TBCD: variants seen among roughly 807,000 people sequenced by gnomAD.
The protein encoded by TBCD is tubulin-specific chaperone D.
A neutral mutation model predicts 169.3 loss-of-function variants in TBCD; 105 were observed. The ratio of observed to expected loss-of-function variants is 0.62; its 90% CI spans 0.53 to 0.73. The LOEUF is 0.73. Among genes scored for constraint, TBCD ranks in the 30% least tolerant of loss-of-function variants. The pLI is 0.00. For synonymous variants in TBCD, 700 were observed against 643.9 expected, an observed-to-expected ratio of 1.09 and a Z score of -1.32; for missense variants, 1,444 against 1,600.1, an observed-to-expected ratio of 0.90 and a Z score of 1.66.
intron 7 of TBCD, among the ~76,000 whole-genome samples, chr17:82,794,669 C>T (rs1161754871): frequency 6.6e-6 from 1 of 152,226 alleles, no homozygotes; most frequent in African/African-American, 2.4e-5. Flanking sequence ...GCACACTGCA[C>T]ACTTTCTCTG....
chr17:82,792,814 C>T (rs11650019), intron 7 of TBCD, among the ~76,000 whole-genome samples: 58,869 of 151,732 alleles, frequency 0.39, 11,456 homozygotes, highest in Middle Eastern at 0.42. Flanking sequence ...TTTTTTTTGG[C>T]GTCAGTGGCA....
intron 17 of TBCD, among the ~76,000 whole-genome samples, chr17:82,897,437 G>C (rs2059564047): frequency 6.7e-6 from 1 of 149,832 alleles, no homozygotes; most frequent in Non-Finnish European, 1.5e-5. Context: ...AGAATCACTT[G>C]ATCCCGGGAG....
Position 82,874,104 on chromosome 17 carries a change from C to T in TBCD, c.1475+3724C>T, listed in dbSNP as rs985419075. 6.6e-6 allele frequency among the ~76,000 whole-genome samples: 1 copy of T among 152,186 alleles called. No homozygotes were observed. The highest frequency in any genetic ancestry group is 6.5e-5 in the Admixed American group (1 of 15,284). On this transcript the variant is annotated intron_variant, in intron 14 of 38. Coordinates refer to ENST00000355528, the MANE Select transcript of TBCD (RefSeq NM_005993.5). The surrounding 1 kb of genome is among the most constrained non-coding windows in gnomAD (Gnocchi z 5.0). ...CAGCTGGGTGTGGGGTTGAGCCCAT[C>T]ATGCTGTGGGGTGCTCCCTGGGGGT... is the stretch of plus-strand genomic sequence containing the variant.
At chr17:82,758,916 T>A (rs1392768784) in intron 2 of TBCD, among the ~76,000 whole-genome samples, 1 of 151,728 alleles carries the variant, frequency 6.6e-6, no homozygotes, top group African/African-American at 2.4e-5. Context: ...CCCACCTTGG[T>A]CTCCCAAAGT....
chr17:82,845,766 G>A (rs1008222440), intron 13 of TBCD, among the ~76,000 whole-genome samples: 1 of 152,192 alleles, frequency 6.6e-6, no homozygotes, highest in Non-Finnish European at 1.5e-5. Flanking sequence ...GACCTCCCTG[G>A]GCCTCGGTCT....
intron 22 of TBCD, among the ~76,000 whole-genome samples, chr17:82,910,494 A>T (rs1438743483): frequency 6.6e-6 from 1 of 152,000 alleles, no homozygotes; most frequent in East Asian, 1.9e-4. Context: ...TATATTCCAG[A>T]TGCCAGCTCT....
intron 13 of TBCD, among the ~76,000 whole-genome samples, chr17:82,844,558 C>T (rs1183786867): frequency 1.3e-5 from 2 of 152,052 alleles, no homozygotes; most frequent in African/African-American, 4.8e-5. Context: ...TGCCTCCCTC[C>T]AGGGGAGGGC....
chr17:82,831,791 T>C lies in TBCD; in HGVS notation c.1318+16857T>C, dbSNP rs1271703704. Reference sequence around the variant, plus strand: ...GCCCCAAGCCCCTTTGTAGATGAGATTTTATGTGGAAACTCTGGTGGAAGG... The same window carrying C: ...GCCCCAAGCCCCTTTGTAGATGAGACTTTATGTGGAAACTCTGGTGGAAGG... On this transcript the variant is annotated intron_variant, in intron 13 of 38. Transcript: ENST00000355528. The surrounding 1 kb of genome is among the most constrained non-coding windows in gnomAD (Gnocchi z 4.6). The C allele has an allele frequency of 3.1e-6, 5 of 1,613,956 alleles. No homozygotes were observed. Among genetic ancestry groups the C allele is most frequent in the Non-Finnish European group, 4.2e-6 (5 of 1,179,960 alleles).
intron 6 of TBCD, among the ~76,000 whole-genome samples, chr17:82,776,174 G>A (rs1417016830): frequency 2.6e-5 from 4 of 152,034 alleles, no homozygotes; most frequent in African/African-American, 7.2e-5. Context: ...AGCAGAGATC[G>A]CACCATTGCA....
chr17:82,892,670 C>G (rs910934433), intron 16 of TBCD, among the ~76,000 whole-genome samples: 2 of 152,136 alleles, frequency 1.3e-5, no homozygotes, highest in African/African-American at 2.4e-5. Context: ...TTAAAGACGT[C>G]AAGGAAGGAT....
chr17:82,830,825 C>G (rs752213550), intron 13 of TBCD: 13 of 1,613,218 alleles, frequency 8.1e-6, no homozygotes, highest in Middle Eastern at 1.6e-4. Context: ...GCCTCCGAGA[C>G]GAGAGAGGCG....
intron 2 of TBCD, among the ~76,000 whole-genome samples, chr17:82,760,959 CAGTCTTTTTTTTTTTTTGGAGACAA>C (rs2047721459): frequency 6.6e-6 from 1 of 151,660 alleles, no homozygotes; most frequent in Admixed American, 6.6e-5. Flanking sequence ...AATAGTTTTT[CAGTCTTTTTTTTTTTTTGGAGACAA>C]AGTCTTGCTC....
chr17:82,830,437 C>T (rs1231372938), intron 13 of TBCD: 2 of 1,611,826 alleles, frequency 1.2e-6, no homozygotes, highest in Non-Finnish European at 1.7e-6. Flanking sequence ...CTCCTCGCTG[C>T]TGTCCACCGC....
intron 2 of TBCD, among the ~76,000 whole-genome samples, chr17:82,761,048 C>T (rs2047727656): frequency 6.6e-6 from 1 of 151,894 alleles, no homozygotes; most frequent in African/African-American, 2.4e-5. Context: ...CAACCTCCTT[C>T]TCCTGGGTTC....
At chr17:82,937,906 C>G in intron 35 of TBCD, 143 bp from the exon 36 acceptor site, 1 of 1,531,416 alleles carries the variant, frequency 6.5e-7, no homozygotes, top group South Asian at 1.2e-5. Flanking sequence ...CACACACACA[C>G]CTCCGGCTTG....
chr17:82,752,851 C>G (rs2047186603), intron 1 of TBCD, among the ~76,000 whole-genome samples: 1 of 152,082 alleles, frequency 6.6e-6, no homozygotes, highest in Non-Finnish European at 1.5e-5. Flanking sequence ...GAGAGGGGGA[C>G]GCAGGGAACA....
In TBCD at chr17:82,827,865, C is replaced by A. The variant is rs568635920; in HGVS notation, c.1318+12931C>A. On this transcript the variant is annotated intron_variant, in intron 13 of 38. Transcript: ENST00000355528. ...CCCACACAATTGAATGCACACACAC[C>A]CCCCCACAGGCACACGTGCACACCC... 2.5e-3 allele frequency among the ~76,000 whole-genome samples: 335 copies of A among 134,426 alleles called. 1 individual carries two copies. Among genetic ancestry groups the A allele is most frequent in the Middle Eastern group, 4.9e-3 (1 of 206 alleles). The allele number at this position is 134,426 out of a possible 152,430, so 88.2% of individuals were successfully genotyped here. A position where few individuals can be genotyped will look rare whatever the true frequency, so the allele number is the denominator to read the frequency against.
chr17:82,777,201 CAG>C (rs751900729), intron 6 of TBCD, among the ~76,000 whole-genome samples: 5 of 152,078 alleles, frequency 3.3e-5, no homozygotes, highest in Non-Finnish European at 5.9e-5. Flanking sequence ...TTTATTAAGA[CAG>C]AATTATTGAT....
rs766417147 is a variant in TBCD at position 82,929,389 on chromosome 17, T to C, written c.2880T>C (p.Ser960=). Residue 960 remains serine, a synonymous_variant, in exon 32 of 39, where the codon AGT becomes AGC. Transcript: ENST00000355528. ...PRSDVASVNW[S]APSQAFPRIT... is the part of the protein sequence containing the mutation. ...CCGATGTGGCCTCCGTGAACTGGAG[T>C]GCACCTTCCCAGGCCTTCCCACGCA... 35 of 1,613,090 alleles carry C rather than the reference T, an allele frequency of 2.2e-5. No homozygotes were observed. The highest frequency in any genetic ancestry group is 2.7e-5 in the Non-Finnish European group (32 of 1,179,830).
Sources: allele counts gnomAD v4.1 joint callset (sites outside exome capture counted in the v4.1 genomes callset), GRCh38; gene constraint gnomAD v4.1.1; non-coding constraint Gnocchi (gnomAD v3.1); transcripts MANE v1.5; gene names NCBI Gene and HGNC (gene_info 2026-07-23, HGNC 2026-07-21).